The following FRMD4B variants were observed in gnomAD, a reference collection of about 807,000 sequenced individuals.
The protein encoded by FRMD4B is FERM domain-containing protein 4B.
A neutral mutation model predicts 141.5 loss-of-function variants in FRMD4B; 74 were observed. The ratio of observed to expected loss-of-function variants is 0.52; its 90% CI spans 0.43 to 0.63. The LOEUF (loss-of-function observed/expected upper bound fraction) is 0.63. FRMD4B is among the 30% of genes least tolerant of loss of function. The pLI is 0.00. For synonymous variants in FRMD4B, 506 were observed against 467.9 expected, an observed-to-expected ratio of 1.08 and a Z score of -1.05; for missense variants, 1,366 against 1,253.4, an observed-to-expected ratio of 1.09 and a Z score of -1.36.
chr3:69,360,087 G>A (rs990575912), intron 1 of FRMD4B, among the ~76,000 whole-genome samples: 5 of 152,082 alleles, frequency 3.3e-5, no homozygotes, highest in Admixed American at 6.6e-5. Context: ...AGAACCTGGA[G>A]TTTTGTTTTC....
At chr3:69,285,435 A>C (rs1480690507) in intron 5 of FRMD4B, among the ~76,000 whole-genome samples, 2 of 152,110 alleles carry the variant, frequency 1.3e-5, no homozygotes, top group Non-Finnish European at 2.9e-5. Flanking sequence ...ATAACGGCTA[A>C]AATGTTTCCG....
rs1038830013 is a variant in FRMD4B at position 69,354,460 on chromosome 3, A to G, written c.162+31368T>C. Among the ~76,000 whole-genome samples the G allele has an allele frequency of 5.9e-5, 9 of 152,296 alleles. No homozygotes were observed. The South Asian group carries it at 1.7e-3, about 28-fold the overall frequency. On this transcript the variant is annotated intron_variant, in intron 1 of 22. Coordinates refer to ENST00000398540, the MANE Select transcript of FRMD4B (RefSeq NM_015123.3). ...AGGAGTATGGTATGGTTAAGAATATAACCATAAGATTAAATCTCTAAGACT... is the reference window on the plus strand; with the variant it reads ...AGGAGTATGGTATGGTTAAGAATATGACCATAAGATTAAATCTCTAAGACT...
intron 1 of FRMD4B, among the ~76,000 whole-genome samples, chr3:69,526,726 A>G (rs1700936483): frequency 6.6e-6 from 1 of 152,142 alleles, no homozygotes. Context: ...CTGTCCCGAG[A>G]ACATAACAGG....
At chr3:69,429,682 C>A (rs1327249338) in intron 2 of FRMD4B, among the ~76,000 whole-genome samples, 1 of 150,918 alleles carries the variant, frequency 6.6e-6, no homozygotes, top group African/African-American at 2.4e-5. Context: ...GCAACGCGGG[C>A]AGAAGGGTGC....
chr3:69,295,184 G>C (rs1210608883), intron 4 of FRMD4B, among the ~76,000 whole-genome samples: 2 of 152,196 alleles, frequency 1.3e-5, no homozygotes, highest in African/African-American at 4.8e-5. Flanking sequence ...AGGCCCAAGA[G>C]GGTGCCAGAA....
At chr3:69,365,588 T>C (rs894177798) in intron 1 of FRMD4B, among the ~76,000 whole-genome samples, 8 of 139,842 alleles carry the variant, frequency 5.7e-5, no homozygotes, top group African/African-American at 9.2e-5. Flanking sequence ...CACCACAAAC[T>C]GCCTCCCGAA....
intron 20 of FRMD4B, 84 bp downstream of exon 20, chr3:69,182,514 A>G (rs2092718077): frequency 7.6e-7 from 1 of 1,320,154 alleles, no homozygotes. Flanking sequence ...GTCACTTGAA[A>G]TGATTAAAAA....
intron 2 of FRMD4B, among the ~76,000 whole-genome samples, chr3:69,410,958 T>C (rs1486979772): frequency 2.0e-5 from 3 of 151,806 alleles, no homozygotes; most frequent in Admixed American, 2.0e-4. Flanking sequence ...ACCTGGCCTA[T>C]AGAAGAGGGG....
At chr3:69,345,930 C>A (rs928602193) in intron 1 of FRMD4B, among the ~76,000 whole-genome samples, 3 of 152,118 alleles carry the variant, frequency 2.0e-5, no homozygotes, top group African/African-American at 7.2e-5. Flanking sequence ...AGCGCCTCCC[C>A]ACCTCCAAAG....
At chr3:69,225,975 G>C (rs1261207829) in intron 7 of FRMD4B, among the ~76,000 whole-genome samples, 5 of 152,040 alleles carry the variant, frequency 3.3e-5, no homozygotes, top group Admixed American at 1.3e-4. Flanking sequence ...CCAAGTGCCA[G>C]ATACCATGCA....
chr3:69,341,208 G>T (rs1451740446), intron 1 of FRMD4B, among the ~76,000 whole-genome samples: 2 of 152,146 alleles, frequency 1.3e-5, no homozygotes, highest in South Asian at 2.1e-4. Context: ...GCATCTCAAG[G>T]TGGGCACTTG....
chr3:69,524,583 A>G (rs2107139140), intron 1 of FRMD4B, among the ~76,000 whole-genome samples: 1 of 152,332 alleles, frequency 6.6e-6, no homozygotes, highest in African/African-American at 2.4e-5. Flanking sequence ...GCTGGGTAAT[A>G]CAGCTCTGCT....
At chr3:69,247,523 G>A (rs148420919) in intron 7 of FRMD4B, among the ~76,000 whole-genome samples, 19 of 152,300 alleles carry the variant, frequency 1.2e-4, no homozygotes, top group Non-Finnish European at 2.4e-4. Context: ...GTCTCACTCC[G>A]TCACCCAGGC....
chr3:69,394,389 C>T (rs991373350), intron 2 of FRMD4B, among the ~76,000 whole-genome samples: 1 of 152,224 alleles, frequency 6.6e-6, no homozygotes, highest in Non-Finnish European at 1.5e-5. Context: ...ACTTTCAGTC[C>T]ATAGCGGGCA....
intron 2 of FRMD4B, among the ~76,000 whole-genome samples, chr3:69,426,329 T>C (rs1028734835): frequency 1.3e-5 from 2 of 151,846 alleles, no homozygotes; most frequent in Non-Finnish European, 2.9e-5. Context: ...AGCGTGTGTG[T>C]GTGTGTGTGT....
chr3:69,433,691 T>C (rs1376488390), intron 1 of FRMD4B, among the ~76,000 whole-genome samples: 1 of 152,220 alleles, frequency 6.6e-6, no homozygotes, highest in Non-Finnish European at 1.5e-5. Context: ...TTCAAGGAGC[T>C]TAACTCAAAT....
At chr3:69,480,926 C>T (rs1291973866) in intron 1 of FRMD4B, among the ~76,000 whole-genome samples, 1 of 152,204 alleles carries the variant, frequency 6.6e-6, no homozygotes, top group Non-Finnish European at 1.5e-5. Context: ...GGGCGCCCCT[C>T]CCCCAGCCTC....
At chr3:69,403,758 C>A (rs1373560879) in intron 2 of FRMD4B, among the ~76,000 whole-genome samples, 4 of 152,080 alleles carry the variant, frequency 2.6e-5, no homozygotes, top group African/African-American at 9.7e-5. Context: ...AAGTATAGTA[C>A]AGCATTCTCT....
chr3:69,262,318 A>G (rs2093532714), intron 5 of FRMD4B, among the ~76,000 whole-genome samples: 1 of 152,142 alleles, frequency 6.6e-6, no homozygotes, highest in South Asian at 2.1e-4. Context: ...AGCATAACAT[A>G]CATATACACT....
Sources: gnomAD v4.1 joint callset for allele counts (sites outside exome capture counted in the v4.1 genomes callset) on GRCh38, gnomAD v4.1.1 for gene constraint, MANE v1.5 for transcripts, NCBI Gene and HGNC (gene_info 2026-07-23, HGNC 2026-07-21) for gene names.